Variants in PRRT1 observed in about 807,000 individuals in gnomAD.
The protein encoded by PRRT1 is proline rich transmembrane protein 1, also known as proline-rich transmembrane protein 1.
Under a neutral mutation model 22.6 loss-of-function variants are expected in PRRT1, and 8 were observed. The observed-to-expected ratio is 0.35, with a 90% CI of 0.21 to 0.64. PRRT1 has a LOEUF of 0.64. PRRT1 is among the 30% of genes least tolerant of loss of function. The pLI, the probability that PRRT1 is intolerant of heterozygous loss-of-function variation, is 0.69. For missense variants in PRRT1, 315 were observed against 444.5 expected, an observed-to-expected ratio of 0.71 and a Z score of 2.62; for synonymous variants, 176 against 203.6, an observed-to-expected ratio of 0.86 and a Z score of 1.15.
At position 32,151,935 on chromosome 6, in the gene PRRT1, G is replaced by C. The variant is rs754906549; in HGVS notation, c.-108C>G. 1.9e-6 allele frequency: 1 copy of C among 525,294 alleles called. No homozygotes were observed. The highest frequency in any genetic ancestry group is 2.1e-5 in the Admixed American group (1 of 48,042). The allele number at this position is 525,294 out of a possible 1,614,324, so 32.5% of individuals were successfully genotyped here. On this transcript the variant is annotated 5_prime_UTR_variant, in exon 1 of 4. Transcript: ENST00000211413. ...CAGCCGGCAGCAGCGCAGAGATGGA[G>C]AGATGAAGGCAGCGGCGGGGGGGGG...
chr6:32,151,856 T>C lies in PRRT1; in HGVS notation c.-29A>G. 1.9e-6 allele frequency: 3 copies of C among 1,607,810 alleles called. No homozygotes were observed. The highest frequency in any genetic ancestry group is 2.5e-6 in the Non-Finnish European group (3 of 1,177,470). ...TGCGGTCTCGCTGGGACAGGGTCCC[T>C]GCAGCCGGAGTGGGGGTCCTCGGCC... On this transcript the variant is annotated 5_prime_UTR_variant, in exon 1 of 4. Coordinates refer to ENST00000211413, the MANE Select transcript of PRRT1 (RefSeq NM_030651.4).
chr6:32,152,639 A>C (rs1370715667), upstream of PRRT1, among the ~76,000 whole-genome samples: 28 of 151,962 alleles, frequency 1.8e-4, no homozygotes, highest in Admixed American at 1.8e-3. Context: ...CATTTCTGGC[A>C]GCTCTGTTGG....
chr6:32,153,061 T>C (rs957930124), upstream of PRRT1: 6 of 186,578 alleles, frequency 3.2e-5, no homozygotes, highest in Non-Finnish European at 5.7e-5. The surrounding 1 kb of genome is among the most constrained non-coding windows in gnomAD (Gnocchi z 4.4). Flanking sequence ...CTGAAACCAG[T>C]CCCAGGCTCC....
In PRRT1 at chr6:32,150,987, C is replaced by G; in HGVS notation, c.20-81G>C. ...GAGGAGGGGGTAAGGGGAAACACAG[C>G]CGGTCAGGGATGGAGAAAGATAATG... On this transcript the variant is annotated intron_variant, in intron 1 of 3. Transcript: ENST00000211413. This position sits in a 1 kb window ranked among gnomAD's most constrained non-coding sequence, Gnocchi z 7.2. The G allele has an allele frequency of 8.8e-7, 1 of 1,130,774 alleles. No homozygotes were observed. The allele number at this position is 1,130,774 out of a possible 1,614,324, so 70.0% of individuals were successfully genotyped here.
Position 32,150,545 on chromosome 6 carries a change from G to T in PRRT1, c.381C>A (p.Pro127=). The T allele has an allele frequency of 1.5e-6, 2 of 1,363,814 alleles. No individual in the cohort carries two copies. The highest frequency in any genetic ancestry group is 1.9e-6 in the Non-Finnish European group (2 of 1,061,098). The allele number at this position is 1,363,814 out of a possible 1,614,324, so 84.5% of individuals were successfully genotyped here. The change falls in exon 2 of 4, where the codon CCC becomes CCA. Residue 127 remains proline, a synonymous_variant. Transcript: ENST00000211413. The surrounding 1 kb of genome is among the most constrained non-coding windows in gnomAD (Gnocchi z 7.2). ...CCGGCGGGGGCGGGGCGGCGGCAGC[G>T]GGCGGCGGCGGGGGAAGTGGGCCCT... ...RFEGPLPPPP[P]AAAAPPPPAP...
At chr6:32,151,951 C>CGGGG (rs1252634774), upstream of PRRT1, 66 of 214,916 alleles carry the variant, frequency 3.1e-4, no homozygotes, top group Middle Eastern at 1.3e-3. Flanking sequence ...AAGGCAGCGG[C>CGGGG]GGGGGGGGGG....
chr6:32,151,984 A>AGGGGGGGGGGGG, upstream of PRRT1: 4 of 76,800 alleles, frequency 5.2e-5, no homozygotes, highest in South Asian at 1.0e-4. Context: ...GGGCGGAGGG[A>AGGGGGGGGGGGG]GAGCGGGGAG....
In PRRT1 at chr6:32,149,790, G is replaced by A; in HGVS notation, c.559-68C>T. On this transcript the variant is annotated intron_variant, in intron 2 of 3. Transcript: ENST00000211413. This position sits in a 1 kb window ranked among gnomAD's most constrained non-coding sequence, Gnocchi z 8.7. Reference sequence around the variant, plus strand: ...TCTCCCAGCCTACCAGCGTTGGGCGGCTGGCAGAGTGGCTTTAAAAGCACA... The same window carrying A: ...TCTCCCAGCCTACCAGCGTTGGGCGACTGGCAGAGTGGCTTTAAAAGCACA... 9.2e-7 allele frequency: 1 copy of A among 1,091,702 alleles called. No individual in the cohort carries two copies. The highest frequency in any genetic ancestry group is 1.3e-6 in the Non-Finnish European group (1 of 780,314). 67.6% of individuals were successfully genotyped at this position (1,091,702 alleles called of 1,614,324 possible). A position where few individuals can be genotyped will look rare whatever the true frequency, so the allele number is the denominator to read the frequency against.
chr6:32,149,637 T>C lies in PRRT1; in HGVS notation c.644A>G (p.Glu215Gly), dbSNP rs758572746. 6.2e-7 allele frequency: 1 copy of C among 1,612,760 alleles called. No individual in the cohort carries two copies. The highest frequency in any genetic ancestry group is 8.5e-7 in the Non-Finnish European group (1 of 1,179,926). ...PPQGPGLALLEPRRPPHDYMP... is the reference protein window; with the variant it reads ...PPQGPGLALLGPRRPPHDYMP... ...GTAGTCGTGTGGCGGGCGCCTCGGC[T>C]CCAGTAGGGCCAGCCCTGGGCCCTG... The change falls in exon 3 of 4, where the codon GAG (glutamate) becomes GGG (glycine). Residue 215 changes from glutamate (E) to glycine (G), a missense_variant. Glu to Gly is a moderately conservative substitution (Grantham distance 98). Coordinates refer to ENST00000211413, the MANE Select transcript of PRRT1 (RefSeq NM_030651.4). This position sits in a 1 kb window ranked among gnomAD's most constrained non-coding sequence, Gnocchi z 8.7.
upstream of PRRT1, chr6:32,151,984 A>AG: frequency 5.2e-5 from 4 of 76,770 alleles, no homozygotes; most frequent in Admixed American, 2.0e-4. Flanking sequence ...GGGCGGAGGG[A>AG]GAGCGGGGAG....
intron 1 of PRRT1, chr6:32,151,526 C>T (rs1258108423): frequency 3.6e-6 from 2 of 558,576 alleles, no homozygotes; most frequent in African/African-American, 3.8e-5. Flanking sequence ...CTGTCACTCC[C>T]AATGATGCCA....
rs1400166752 is a variant in PRRT1 at position 32,150,753 on chromosome 6, C to A, written c.173G>T (p.Arg58Leu). 1 of 1,534,432 alleles carries A rather than the reference C, an allele frequency of 6.5e-7. No homozygotes were observed. Among genetic ancestry groups the A allele is most frequent in the East Asian group, 2.3e-5 (1 of 42,810 alleles). The change falls in exon 2 of 4, where the codon CGC (arginine) becomes CTC (leucine). Residue 58 changes from arginine (R) to leucine (L), a missense_variant. Transcript: ENST00000211413. This position sits in a 1 kb window ranked among gnomAD's most constrained non-coding sequence, Gnocchi z 7.2. ...YHQSGTATLP[R>L]LGAGGLASSA... The stretch of plus-strand genomic sequence containing the variant: ...AGAGGCCAGGCCCCCTGCCCCTAAG[C>A]GCGGGAGGGTGGCGGTGCCAGACTG...
Position 32,148,785 on chromosome 6 carries a change from A to G in PRRT1, c.*437T>C, listed in dbSNP as rs965242680. 25 of 477,522 alleles carry G rather than the reference A, an allele frequency of 5.2e-5. No individual in the cohort carries two copies. The highest frequency in any genetic ancestry group is 3.5e-4 in the African/African-American group (18 of 51,068). The allele number at this position is 477,522 out of a possible 1,614,324, so 29.6% of individuals were successfully genotyped here. The stretch of plus-strand genomic sequence containing the variant: ...CCGTCTGTGGGCGAGGCCTGGAGCC[A>G]CAAACCCAATCACTGGACTGAATCA... On this transcript the variant is annotated 3_prime_UTR_variant, in exon 4 of 4. Coordinates refer to ENST00000211413, the MANE Select transcript of PRRT1 (RefSeq NM_030651.4). This position sits in a 1 kb window ranked among gnomAD's most constrained non-coding sequence, Gnocchi z 5.7.
At chr6:32,152,308 C>G (rs536046911), upstream of PRRT1, 142 of 387,836 alleles carry the variant, frequency 3.7e-4, no homozygotes, top group African/African-American at 1.7e-3. Context: ...GTCGTCTCCC[C>G]CTCTTAGCTC....
At position 32,149,789 on chromosome 6, in the gene PRRT1, G is replaced by T; in HGVS notation, c.559-67C>A. 1 of 1,090,214 alleles carries T rather than the reference G, an allele frequency of 9.2e-7. No homozygotes were observed. The highest frequency in any genetic ancestry group is 1.3e-6 in the Non-Finnish European group (1 of 778,854). The allele number at this position is 1,090,214 out of a possible 1,614,324, so 67.5% of individuals were successfully genotyped here. ...CTCTCCCAGCCTACCAGCGTTGGGC[G>T]GCTGGCAGAGTGGCTTTAAAAGCAC... On this transcript the variant is annotated intron_variant, in intron 2 of 3. Transcript: ENST00000211413. This position sits in a 1 kb window ranked among gnomAD's most constrained non-coding sequence, Gnocchi z 8.7.
upstream of PRRT1, chr6:32,151,976 G>GGT: frequency 3.7e-6 from 1 of 271,012 alleles, no homozygotes; most frequent in Non-Finnish European, 7.4e-6. Flanking sequence ...GGGGGGGCGG[G>GGT]CGGAGGGAGA....
upstream of PRRT1, chr6:32,151,951 C>CAGGG: frequency 4.7e-6 from 1 of 214,888 alleles, no homozygotes; most frequent in Non-Finnish European, 8.4e-6. Flanking sequence ...AAGGCAGCGG[C>CAGGG]GGGGGGGGGG....
In PRRT1 at chr6:32,150,389, C is replaced by A; in HGVS notation, c.537G>T (p.Val179=). 6.4e-7 allele frequency: 1 copy of A among 1,553,398 alleles called. No homozygotes were observed. Among genetic ancestry groups the A allele is most frequent in the Admixed American group, 2.1e-5 (1 of 47,876 alleles). ...TCACCGTGCCCACCGGGTAGACCGG[C>A]ACGTAAGCAGTGCAAGGCTGCAGCT... ...PLQLQPCTAY[V]PVYPVGTPYA... The change falls in exon 2 of 4, where the codon GTG becomes GTT. Residue 179 remains valine (V), a synonymous_variant. Coordinates refer to ENST00000211413, the MANE Select transcript of PRRT1 (RefSeq NM_030651.4). The surrounding 1 kb of genome is among the most constrained non-coding windows in gnomAD (Gnocchi z 7.2).
intron 1 of PRRT1, chr6:32,151,588 A>G: frequency 1.7e-6 from 1 of 593,966 alleles, no homozygotes; most frequent in Non-Finnish European, 3.0e-6. Flanking sequence ...TACCCCCCTG[A>G]CCATGTTGTT....
Sources: allele counts gnomAD v4.1 joint callset (sites outside exome capture counted in the v4.1 genomes callset), GRCh38; gene constraint gnomAD v4.1.1; non-coding constraint Gnocchi (gnomAD v3.1); transcripts MANE v1.5; gene names NCBI Gene and HGNC (gene_info 2026-07-23, HGNC 2026-07-21).